The following SLC12A7 variants were observed in gnomAD, a reference collection of about 807,000 sequenced individuals.
SLC12A7 encodes solute carrier family 12 member 7.
A neutral mutation model predicts 120.6 loss-of-function variants in SLC12A7; 100 were observed. That is an observed-to-expected ratio of 0.83 (90% CI 0.71 to 0.98). The LOEUF is 0.98. SLC12A7 is among the 50% of genes least tolerant of loss of function. The pLI is 0.00. For missense variants in SLC12A7, 1,373 were observed against 1,548.1 expected, an observed-to-expected ratio of 0.89 and a Z score of 1.90; for synonymous variants, 760 against 678.0, an observed-to-expected ratio of 1.12 and a Z score of -1.88.
chr5:1,090,208 T>C (rs1356516435), intron 3 of SLC12A7, among the ~76,000 whole-genome samples: 1 of 152,196 alleles, frequency 6.6e-6, no homozygotes, highest in East Asian at 1.9e-4. Context: ...ACAGGGTGGC[T>C]TCTGGGGTCA....
chr5:1,135,334 AC>A, the SLC12A7 span, among the ~76,000 whole-genome samples: 1 of 152,140 alleles, frequency 6.6e-6, no homozygotes, highest in East Asian at 1.9e-4. Context: ...CAGGAAGTCA[AC>A]CACACACAAC....
upstream of SLC12A7, among the ~76,000 whole-genome samples, chr5:1,113,117 T>A (rs1265396371): frequency 6.6e-6 from 1 of 152,196 alleles, no homozygotes; most frequent in Non-Finnish European, 1.5e-5. Context: ...AACAATCAGA[T>A]GTCCGTCAAT....
At chr5:1,129,210 C>G in the SLC12A7 span, among the ~76,000 whole-genome samples, 1 of 152,216 alleles carries the variant, frequency 6.6e-6, no homozygotes, top group African/African-American at 2.4e-5. Flanking sequence ...CCTCCCTCAG[C>G]CAGCCGCCAC....
intron 10 of SLC12A7, 52 bp downstream of exon 10, chr5:1,079,346 G>T: frequency 7.0e-7 from 1 of 1,427,590 alleles, no homozygotes; most frequent in Non-Finnish European, 9.9e-7. Flanking sequence ...GGGCATGGGG[G>T]CCTCCCCCCA....
intron 17 of SLC12A7, among the ~76,000 whole-genome samples, chr5:1,068,712 C>A (rs1404784453): frequency 6.6e-6 from 1 of 152,278 alleles, no homozygotes; most frequent in Admixed American, 6.5e-5. Context: ...CCCAGACCCC[C>A]CAGCCGAAGG....
chr5:1,062,155 T>G (rs1013768105), intron 20 of SLC12A7, among the ~76,000 whole-genome samples: 3 of 152,170 alleles, frequency 2.0e-5, no homozygotes, highest in Non-Finnish European at 2.9e-5. Context: ...GAGCTGCTTC[T>G]GGCACCACGG....
rs562235109 is a variant in SLC12A7 at position 1,064,179 on chromosome 5, G to A, written c.2511C>T (p.Asn837=). ...TGTGGCCCCCGCCGAAGCGCTCCTG[G>A]TTTTGCGGAAACGAGTCGACGTTCT... is the stretch of plus-strand genomic sequence containing the variant. ...VAKNVDSFPQ[N]QERFGGGHID... The change falls in exon 19 of 24, where the codon AAC becomes AAT. Residue 837 remains asparagine (N), a synonymous_variant. Coordinates refer to ENST00000264930, the MANE Select transcript of SLC12A7 (RefSeq NM_006598.3). 28 of 1,612,266 alleles carry A rather than the reference G, an allele frequency of 1.7e-5. No homozygotes were observed. The South Asian group carries it at 3.1e-4, about 18-fold the overall frequency.
rs1429094814 is a variant in SLC12A7 at position 1,083,847 on chromosome 5, A to C, written c.1027T>G (p.Cys343Gly). The stretch of plus-strand genomic sequence containing the variant: ...GCGGCGCTGGGCTGGGAGCCGTTGC[A>C]GAAGAGGCCCCAGAGCGCGGAGGTG... ...SATSALWGLFCNGSQPSAACD... is the reference protein window; with the variant it reads ...SATSALWGLFGNGSQPSAACD... Residue 343 changes from cysteine to glycine, a missense_variant, in exon 8 of 24, where the codon TGC becomes GGC. By Grantham distance (159) the Cys-to-Gly change is radical (BLOSUM62 -3). Coordinates refer to ENST00000264930, the MANE Select transcript of SLC12A7 (RefSeq NM_006598.3). The C allele has an allele frequency of 6.2e-7, 1 of 1,608,128 alleles. No homozygotes were observed. Among genetic ancestry groups the C allele is most frequent in the Non-Finnish European group, 8.5e-7 (1 of 1,176,960 alleles).
chr5:1,098,370 T>A (rs566872552), intron 1 of SLC12A7, among the ~76,000 whole-genome samples: 1 of 626 alleles, frequency 1.6e-3, no homozygotes, highest in Non-Finnish European at 3.0e-3. Flanking sequence ...AACCCTCTGC[T>A]CACCCAGCCC....
chr5:1,155,729 C>A, the SLC12A7 span, among the ~76,000 whole-genome samples: 1 of 150,934 alleles, frequency 6.6e-6, no homozygotes, highest in African/African-American at 2.4e-5. Context: ...CCTCGTCAGG[C>A]GGCTCGGGCG....
chr5:1,114,575 C>T (rs1396760881), upstream of SLC12A7, among the ~76,000 whole-genome samples: 1 of 152,162 alleles, frequency 6.6e-6, no homozygotes, highest in Non-Finnish European at 1.5e-5. Flanking sequence ...TCTTCCTACC[C>T]ACCTCCATCC....
At chr5:1,121,893 G>C in the SLC12A7 span, among the ~76,000 whole-genome samples, 140 of 152,308 alleles carry the variant, frequency 9.2e-4, no homozygotes, top group African/African-American at 3.3e-3. Flanking sequence ...GGTTGTGCAA[G>C]TGTGGGGGGC....
chr5:1,078,120 G>A (rs1354044144), intron 11 of SLC12A7, 113 bp from the exon 12 acceptor site: 2 of 1,281,276 alleles, frequency 1.6e-6, no homozygotes, highest in East Asian at 5.2e-5. Flanking sequence ...CGACTCCTTG[G>A]AAAGCTGAGG....
chr5:1,078,596 G>A (rs1031528818), intron 11 of SLC12A7, 105 bp downstream of exon 11: 6 of 921,828 alleles, frequency 6.5e-6, no homozygotes, highest in East Asian at 5.2e-5. Flanking sequence ...AGCTCTGCAC[G>A]CGGACATGAA....
the SLC12A7 span, among the ~76,000 whole-genome samples, chr5:1,126,394 C>A: frequency 2.0e-5 from 3 of 152,206 alleles, no homozygotes; most frequent in African/African-American, 7.2e-5. Context: ...CAGCCCCTAC[C>A]TATTCTTTTT....
intron 1 of SLC12A7, among the ~76,000 whole-genome samples, chr5:1,096,089 C>G (rs1741104549): frequency 6.6e-6 from 1 of 152,214 alleles, no homozygotes; most frequent in African/African-American, 2.4e-5. Context: ...TTGGTGAGAT[C>G]TGAAAAAGAT....
chr5:1,088,353 A>C lies in SLC12A7; in HGVS notation c.497T>G (p.Leu166Arg), dbSNP rs1030257331. 5 of 1,582,288 alleles carry C rather than the reference A, an allele frequency of 3.2e-6. No individual in the cohort carries two copies. The highest frequency in any genetic ancestry group is 1.7e-6 in the Non-Finnish European group (2 of 1,164,354). Residue 166 changes from leucine to arginine, a missense_variant, in exon 5 of 24, where the codon CTG becomes CGG. Coordinates refer to ENST00000264930, the MANE Select transcript of SLC12A7 (RefSeq NM_006598.3). ...IVAMCCTCTM[L>R]TAISMSAIAT... ...GATCGCACTCATGGAAATGGCGGTC[A>C]GCATTGTCTGCAAAAAGACAGGCAG...
chr5:1,079,022 G>A (rs973397189), intron 10 of SLC12A7, among the ~76,000 whole-genome samples: 2 of 152,174 alleles, frequency 1.3e-5, no homozygotes, highest in South Asian at 2.1e-4. Context: ...GTGCTTGACC[G>A]CCAGGGATTG....
At position 1,078,726 on chromosome 5, in the gene SLC12A7, T is replaced by C. The variant is rs1303826511; in HGVS notation, c.1429A>G (p.Ile477Val). The part of the protein sequence containing the change: ...LSCIVLFGAC[I>V]EGVVLRDKFG... ...TTATCTCGTAAGACCACGCCTTCAA[T>C]GCAGGCCCCAAACAGCACAATGCAG... is the stretch of plus-strand genomic sequence containing the variant. Residue 477 changes from isoleucine (I) to valine (V), a missense_variant, in exon 11 of 24, where the codon ATT (isoleucine) becomes GTT (valine). By Grantham distance (29) the Ile-to-Val change is conservative. Coordinates refer to ENST00000264930, the MANE Select transcript of SLC12A7 (RefSeq NM_006598.3). 4.3e-6 allele frequency: 7 copies of C among 1,612,056 alleles called. No individual in the cohort carries two copies. Among genetic ancestry groups the C allele is most frequent in the South Asian group, 2.2e-5 (2 of 91,032 alleles).
Sources: allele counts gnomAD v4.1 joint callset (sites outside exome capture counted in the v4.1 genomes callset), GRCh38; gene constraint gnomAD v4.1.1; transcripts MANE v1.5; gene names NCBI Gene and HGNC (gene_info 2026-07-23, HGNC 2026-07-21).